Variants in ASIC2 observed in about 807,000 individuals in gnomAD.
ASIC2 encodes acid sensing ion channel subunit 2, also known as acid-sensing ion channel 2.
A neutral mutation model predicts 57.3 loss-of-function variants in ASIC2; 25 were observed. The observed-to-expected ratio is 0.44, with a 90% confidence interval of 0.32 to 0.61. The LOEUF (loss-of-function observed/expected upper bound fraction) is 0.61. Among genes scored for constraint, ASIC2 ranks in the 20% least tolerant of loss-of-function variants. The pLI, the probability that ASIC2 is intolerant of heterozygous loss-of-function variation, is 0.06. For missense variants in ASIC2, 641 were observed against 738.1 expected (o/e 0.87, Z 1.52); for synonymous variants, 319 against 307.5 (o/e 1.04, Z -0.39).
chr17:33,039,991 AT>A (rs1470229404), intron 3 of ASIC2, among the ~76,000 whole-genome samples: 1 of 152,218 alleles, frequency 6.6e-6, no homozygotes, highest in African/African-American at 2.4e-5. Flanking sequence ...ATATCATAGT[AT>A]TTTCCCAAGG....
At chr17:33,539,559 C>T (rs1915341063) in intron 1 of ASIC2, among the ~76,000 whole-genome samples, 2 of 152,366 alleles carry the variant, frequency 1.3e-5, no homozygotes, top group Non-Finnish European at 2.9e-5. Flanking sequence ...ACATTCAATG[C>T]CTTGTAGAAG....
intron 1 of ASIC2, among the ~76,000 whole-genome samples, chr17:33,196,595 G>T (rs1317530500): frequency 1.3e-5 from 2 of 152,202 alleles, no homozygotes; most frequent in African/African-American, 2.4e-5. Context: ...GGGCCATGGA[G>T]CCTGGGTCAC....
intron 1 of ASIC2, among the ~76,000 whole-genome samples, chr17:33,738,804 G>GTATC (rs1293540147): frequency 1.3e-5 from 2 of 152,204 alleles, no homozygotes; most frequent in African/African-American, 4.8e-5. Flanking sequence ...AGAACAAGGT[G>GTATC]TATCAAGTCT....
intron 1 of ASIC2, among the ~76,000 whole-genome samples, chr17:34,075,834 T>C (rs1909622583): frequency 7.4e-6 from 1 of 135,190 alleles, no homozygotes; most frequent in Non-Finnish European, 1.6e-5. Flanking sequence ...TTTTTTTTTT[T>C]TTTTTTTTTT....
At chr17:33,812,506 G>A (rs1912453251) in intron 1 of ASIC2, among the ~76,000 whole-genome samples, 1 of 152,120 alleles carries the variant, frequency 6.6e-6, no homozygotes, top group South Asian at 2.1e-4. Flanking sequence ...TGCTTCCAGG[G>A]TGGGGAGGAT....
rs935251529 is a variant in ASIC2 at position 33,683,475 on chromosome 17, G to C, written c.555+472503C>G. Reference sequence around the variant, plus strand: ...CAGCCTTGACCTCCCTGGCTCAAGTGATCCTCCCACCTCAGCCTCCCAAGT... The same window carrying C: ...CAGCCTTGACCTCCCTGGCTCAAGTCATCCTCCCACCTCAGCCTCCCAAGT... On this transcript the variant is annotated intron_variant, in intron 1 of 9. Transcript: ENST00000359872. Among the ~76,000 whole-genome samples the C allele has an allele frequency of 2.6e-5, 4 of 152,206 alleles. No homozygotes were observed. In the South Asian group the frequency reaches 8.3e-4, roughly 32 times the overall value.
At chr17:34,126,930 C>T (rs1022402939) in intron 1 of ASIC2, among the ~76,000 whole-genome samples, 3 of 152,280 alleles carry the variant, frequency 2.0e-5, no homozygotes, top group Middle Eastern at 3.4e-3. Context: ...AAATACACAT[C>T]CCTGACAGGG....
chr17:33,737,663 A>C (rs1909961434), intron 1 of ASIC2, among the ~76,000 whole-genome samples: 1 of 152,212 alleles, frequency 6.6e-6, no homozygotes, highest in Admixed American at 6.5e-5. Context: ...AAATACCCCT[A>C]ACAGTACATG....
At chr17:33,942,749 A>T (rs2141979803) in intron 1 of ASIC2, among the ~76,000 whole-genome samples, 1 of 152,294 alleles carries the variant, frequency 6.6e-6, no homozygotes, top group Non-Finnish European at 1.5e-5. Flanking sequence ...ACATGGTTTA[A>T]GTTGAACAGC....
intron 1 of ASIC2, among the ~76,000 whole-genome samples, chr17:33,974,605 T>TCCATCC: frequency 6.9e-6 from 1 of 145,440 alleles, no homozygotes; most frequent in African/African-American, 2.6e-5. Context: ...GGAACCTATC[T>TCCATCC]ATCCATCCAT....
rs1032704604 is a variant in ASIC2 at position 33,166,683 on chromosome 17, T to C, written c.709-54616A>G. Among the ~76,000 whole-genome samples, 33 of 152,232 alleles carry C rather than the reference T, an allele frequency of 2.2e-4. 1 individual carries two copies. The highest frequency in any genetic ancestry group is 7.9e-4 in the African/African-American group (33 of 41,548). On this transcript the variant is annotated intron_variant, in intron 1 of 9. Transcript: ENST00000225823. ...CTTGCAGTGACTGGAAGGAGGTGGG[T>C]TGCAGGGAAGTACAGTGAGAGTCCA... is the stretch of plus-strand genomic sequence containing the variant.
Position 33,021,082 on chromosome 17 carries a change from G to A in ASIC2, c.1441+137C>T, listed in dbSNP as rs1598237207. 4.5e-5 allele frequency: 28 copies of A among 623,154 alleles called. No homozygotes were observed. In the East Asian group the frequency reaches 5.5e-4, roughly 12 times the overall value. 38.6% of individuals were successfully genotyped at this position (623,154 alleles called of 1,614,324 possible). ...GAGGAGCAGTGCAAGGAAACAGGGA[G>A]TAATTATTAGTAAATCAAAAGGTTA... On this transcript the variant is annotated intron_variant, in intron 7 of 9. Transcript: ENST00000225823.
At chr17:33,325,059 C>A (rs1907020061) in intron 1 of ASIC2, among the ~76,000 whole-genome samples, 1 of 152,200 alleles carries the variant, frequency 6.6e-6, no homozygotes, top group South Asian at 2.1e-4. Flanking sequence ...GACATGCTTT[C>A]CATCATCAGG....
chr17:33,493,872 T>A (rs1486895098), intron 1 of ASIC2, among the ~76,000 whole-genome samples: 1 of 152,198 alleles, frequency 6.6e-6, no homozygotes, highest in Non-Finnish European at 1.5e-5. Flanking sequence ...CCCATCTGAT[T>A]AGTATCAACA....
chr17:34,133,368 C>A (rs1402582602), intron 1 of ASIC2, among the ~76,000 whole-genome samples: 1 of 152,116 alleles, frequency 6.6e-6, no homozygotes, highest in Non-Finnish European at 1.5e-5. Flanking sequence ...TTCCTCTCAC[C>A]TAAAAAAGGT....
chr17:33,762,340 T>C (rs1195502111), intron 1 of ASIC2, among the ~76,000 whole-genome samples: 5 of 152,174 alleles, frequency 3.3e-5, no homozygotes, highest in Non-Finnish European at 1.5e-5. Flanking sequence ...CTCCATGTTT[T>C]GGATGGGGAG....
chr17:33,949,326 C>A (rs1463872436), intron 1 of ASIC2, among the ~76,000 whole-genome samples: 3 of 152,110 alleles, frequency 2.0e-5, no homozygotes, highest in African/African-American at 7.2e-5. Flanking sequence ...GTCACACTGC[C>A]CCCTAGCTGT....
chr17:33,641,735 A>G (rs1172749760), intron 1 of ASIC2, among the ~76,000 whole-genome samples: 1 of 152,160 alleles, frequency 6.6e-6, no homozygotes, highest in East Asian at 1.9e-4. Context: ...TGGTTGCACT[A>G]TGGAGCTGGA....
chr17:33,748,831 A>G (rs182323794), intron 1 of ASIC2, among the ~76,000 whole-genome samples: 130 of 152,314 alleles, frequency 8.5e-4, no homozygotes, highest in African/African-American at 3.1e-3. Context: ...TAGACTTTTA[A>G]TTATTATCTG....
Sources: gnomAD v4.1 joint callset for allele counts (sites outside exome capture counted in the v4.1 genomes callset) on GRCh38, gnomAD v4.1.1 for gene constraint, MANE v1.5 for transcripts, NCBI Gene and HGNC (gene_info 2026-07-23, HGNC 2026-07-21) for gene names.